The following MYO15A variants were observed in gnomAD, a reference collection of about 807,000 sequenced individuals.
MYO15A encodes the protein myosin XVA.
MYO15A carries 308 observed loss-of-function variants against 394.6 expected under a neutral mutation model. The observed-to-expected ratio is 0.78, with a 90% CI of 0.71 to 0.86. The LOEUF (loss-of-function observed/expected upper bound fraction) is 0.86. MYO15A is among the 40% of genes least tolerant of loss of function. The pLI is 0.00. For missense variants in MYO15A, 4,606 were observed against 4,799.1 expected, an observed-to-expected ratio of 0.96 and a Z score of 1.19; for synonymous variants, 1,957 against 2,003.8, an observed-to-expected ratio of 0.98 and a Z score of 0.62.
At position 18,142,249 on chromosome 17, in the gene MYO15A, T is replaced by C; in HGVS notation, c.5820T>C (p.Leu1940=). The change falls in exon 24 of 66, where the codon CTT becomes CTC. Residue 1940 remains leucine (L), a synonymous_variant. Coordinates refer to ENST00000647165, the MANE Select transcript of MYO15A (RefSeq NM_016239.4). ...ILLQSRARGY[L]ARQRYQQMRR... ...TGCAAAGCCGGGCCCGTGGCTACCT[T>C]GCCAGGTGAGGCACAGAAAAGGCAG... The C allele has an allele frequency of 6.2e-7, 1 of 1,612,256 alleles. No homozygotes were observed. Among genetic ancestry groups the C allele is most frequent in the Middle Eastern group, 1.8e-4 (1 of 5,450 alleles).
rs2046310080 is a variant in MYO15A at position 18,138,025 on chromosome 17, C to T, written c.4876-90C>T. ...GGTATGCAAGCAGAGGTGCTGCTGG[C>T]CAGGCTCCTTCAGATTCAACATGGG... On this transcript the variant is annotated intron_variant, in intron 16 of 65. Transcript: ENST00000647165. 14 of 1,494,768 alleles carry T rather than the reference C, an allele frequency of 9.4e-6. No homozygotes were observed. The South Asian group carries it at 1.7e-4, about 18-fold the overall frequency. 92.6% of individuals were successfully genotyped at this position (1,494,768 alleles called of 1,614,324 possible).
chr17:18,155,013 C>G (rs1481336281), intron 45 of MYO15A, 97 bp from the exon 46 acceptor site: 2 of 1,185,406 alleles, frequency 1.7e-6, no homozygotes, highest in Non-Finnish European at 2.5e-6. Context: ...CAGATACCTT[C>G]TTGCTGGGTA....
Position 18,119,308 on chromosome 17 carries a change from C to T in MYO15A, c.508C>T (p.Arg170Cys), listed in dbSNP as rs1356523156. ...GCGCTCGAGCTCCCGCATGGGCTCC[C>T]GCAAACTCCCCTTCCCGTCGGGTGC... ...LQRSSSRMGS[R>C]KLPFPSGAEI... The change falls in exon 2 of 66, where the codon CGC becomes TGC. Residue 170 changes from arginine (R) to cysteine (C), a missense_variant. Around this residue, in one of 2 missense-constraint regions of MYO15A, gnomAD observed 1,830 missense variants for 1,689.7 expected, o/e 1.08. Transcript: ENST00000647165. The T allele has an allele frequency of 6.2e-7, 1 of 1,610,886 alleles. No homozygotes were observed. The highest frequency in any genetic ancestry group is 1.3e-5 in the African/African-American group (1 of 74,914).
intron 65 of MYO15A, chr17:18,178,377 A>C: frequency 3.1e-6 from 1 of 324,240 alleles, no homozygotes; most frequent in Non-Finnish European, 6.1e-6. Context: ...TAGGAAAAAA[A>C]AAAAAAGAAT....
Position 18,118,714 on chromosome 17 carries a change from G to C in MYO15A, c.-87G>C. 1 of 1,592,170 alleles carries C rather than the reference G, an allele frequency of 6.3e-7. No individual in the cohort carries two copies. Among genetic ancestry groups the C allele is most frequent in the Non-Finnish European group, 8.5e-7 (1 of 1,170,114 alleles). Reference sequence around the variant, plus strand: ...CCGAGGAGGCCGCGTGTCCAGCCGCGGGCAAGAGACAGAGCAGGTCCCTGT... The same window carrying C: ...CCGAGGAGGCCGCGTGTCCAGCCGCCGGCAAGAGACAGAGCAGGTCCCTGT... On this transcript the variant is annotated 5_prime_UTR_variant, in exon 2 of 66. Transcript: ENST00000647165.
At position 18,148,187 on chromosome 17, in the gene MYO15A, C is replaced by T. The variant is rs532392396; in HGVS notation, c.6668C>T (p.Ala2223Val). The change falls in exon 31 of 66, where the codon GCG becomes GTG. Residue 2223 changes from alanine (A) to valine (V), a missense_variant. Ala to Val is a moderately conservative substitution (Grantham distance 64, BLOSUM62 0). Transcript: ENST00000647165. This position sits in a 1 kb window ranked among gnomAD's most constrained non-coding sequence, Gnocchi z 4.8. ...GCGACCTATGAGAAGGCCAGCATGGCGCTGGACGTGGGCTGCTTCAATGGT... is the reference window on the plus strand; with the variant it reads ...GCGACCTATGAGAAGGCCAGCATGGTGCTGGACGTGGGCTGCTTCAATGGT... ...WTATYEKASM[A>V]LDVGCFNGDQ... 76 of 1,613,618 alleles carry T rather than the reference C, an allele frequency of 4.7e-5. No individual in the cohort carries two copies. Among genetic ancestry groups the T allele is most frequent in the African/African-American group, 1.2e-4 (9 of 74,930 alleles).
At chr17:18,172,417 G>A (rs532769401) in intron 64 of MYO15A, 127 bp downstream of exon 64, 1 of 1,383,880 alleles carries the variant, frequency 7.2e-7, no homozygotes, top group African/African-American at 1.4e-5. Flanking sequence ...ATGATCTCAG[G>A]CAAGTCTCTT....
intron 51 of MYO15A, among the ~76,000 whole-genome samples, 162 bp downstream of exon 51, chr17:18,158,062 C>A (rs902911386): frequency 4.6e-5 from 7 of 152,038 alleles, no homozygotes; most frequent in Non-Finnish European, 7.4e-5. Context: ...TAGAGTGAGC[C>A]GCAGGTGAGA....
At chr17:18,157,978 G>T in intron 51 of MYO15A, 78 bp downstream of exon 51, 1 of 1,434,692 alleles carries the variant, frequency 7.0e-7, no homozygotes, top group South Asian at 1.5e-5. Context: ...GGCGAGTGGG[G>T]ATAAGGTGGG....
At chr17:18,160,066 C>T in intron 56 of MYO15A, 49 bp downstream of exon 56, 2 of 1,561,186 alleles carry the variant, frequency 1.3e-6, no homozygotes, top group Non-Finnish European at 1.7e-6. Flanking sequence ...TGTCCATGCT[C>T]CAGGAGGGAC....
chr17:18,155,355 C>A lies in MYO15A; in HGVS notation c.8382C>A (p.His2794Gln), dbSNP rs377228040. The A allele has an allele frequency of 3.7e-6, 6 of 1,613,660 alleles. No homozygotes were observed. Among genetic ancestry groups the A allele is most frequent in the Non-Finnish European group, 5.1e-6 (6 of 1,180,030 alleles). ...GTGTGCAGCTCCTAGCTGTGTCCCA[C>A]GTGGGCATCAAACTCCTGAGGATGG... The part of the protein sequence containing the change: ...GTGVQLLAVS[H>Q]VGIKLLRMVK... The change falls in exon 47 of 66, where the codon CAC becomes CAA. Residue 2794 changes from histidine (H) to glutamine (Q), a missense_variant. His to Gln is a conservative substitution (Grantham distance 24). Coordinates refer to ENST00000647165, the MANE Select transcript of MYO15A (RefSeq NM_016239.4).
chr17:18,138,869 A>G lies in MYO15A; in HGVS notation c.5066A>G (p.Tyr1689Cys), dbSNP rs772450800. ...TACCATCATGGCGCCAACCCGCTCTATTCCAAACCCAAGATGCCGCTGCCT... is the reference window on the plus strand; with the variant it reads ...TACCATCATGGCGCCAACCCGCTCTGTTCCAAACCCAAGATGCCGCTGCCT... Reference protein sequence around the residue: ...CHYHHGANPLYSKPKMPLPEF... With the variant: ...CHYHHGANPLCSKPKMPLPEF... The change falls in exon 18 of 66, where the codon TAT becomes TGT. Residue 1689 changes from tyrosine to cysteine, a missense_variant. Coordinates refer to ENST00000647165, the MANE Select transcript of MYO15A (RefSeq NM_016239.4). 1.9e-6 allele frequency: 3 copies of G among 1,613,664 alleles called. No individual in the cohort carries two copies. The Admixed American group carries it at 5.0e-5, about 27-fold the overall frequency.
rs868037161 is a variant in MYO15A at position 18,121,818 on chromosome 17, C to A, written c.3018C>A (p.Gly1006=). 15 of 1,612,866 alleles carry A rather than the reference C, an allele frequency of 9.3e-6. No homozygotes were observed. In the Middle Eastern group the frequency reaches 8.3e-4, roughly 89 times the overall value. Residue 1006 remains glycine (G), a synonymous_variant, in exon 2 of 66, where the codon GGC becomes GGA. Transcript: ENST00000647165. The surrounding 1 kb of genome is among the most constrained non-coding windows in gnomAD (Gnocchi z 5.3). ...PGPGQLTKSA[G]PTPEKPEEEA... is the part of the protein sequence containing the mutation. ...CTGGACAGCTCACCAAATCAGCTGGCCCAACCCCTGAGAAGCCTGAAGAAG... is the reference window on the plus strand; with the variant it reads ...CTGGACAGCTCACCAAATCAGCTGGACCAACCCCTGAGAAGCCTGAAGAAG...
At chr17:18,159,759 C>T (rs1360500984) in intron 55 of MYO15A, 80 bp downstream of exon 55, 3 of 1,543,358 alleles carry the variant, frequency 1.9e-6, no homozygotes, top group South Asian at 1.1e-5. Flanking sequence ...AGTCACAGGA[C>T]ATTAGGGTGG....
intron 59 of MYO15A, 31 bp from the exon 60 acceptor site, chr17:18,163,711 C>T (rs1424661918): frequency 1.3e-6 from 2 of 1,586,102 alleles, no homozygotes; most frequent in Non-Finnish European, 1.7e-6. Flanking sequence ...GCCCAACTGG[C>T]ATGGCCTCAT....
At position 18,148,515 on chromosome 17, in the gene MYO15A, G is replaced by T; in HGVS notation, c.6711G>T (p.Pro2237=). 6.4e-7 allele frequency: 1 copy of T among 1,552,680 alleles called. No individual in the cohort carries two copies. Residue 2237 remains proline, a synonymous_variant, in exon 32 of 66, where the codon CCG becomes CCT. Transcript: ENST00000647165. This position sits in a 1 kb window ranked among gnomAD's most constrained non-coding sequence, Gnocchi z 4.8. ...GCFNGDQFSC[P]VHSWSTGEEV... ...CCCCAGGTGACCAGTTCTCCTGCCC[G>T]GTGCACTCCTGGAGTACGGGGGAAG...
Position 18,167,614 on chromosome 17 carries a change from C to G in MYO15A, c.9973C>G (p.Leu3325Val). 1 of 1,603,436 alleles carries G rather than the reference C, an allele frequency of 6.2e-7. No homozygotes were observed. The highest frequency in any genetic ancestry group is 1.1e-5 in the South Asian group (1 of 91,082). Residue 3325 changes from leucine (L) to valine (V), a missense_variant, in exon 62 of 66, where the codon CTC becomes GTC. Leu to Val is a conservative substitution (Grantham distance 32). This residue lies in a region of MYO15A where 2,776 missense variants were observed against 3,109.3 expected (regional missense o/e 0.89). Coordinates refer to ENST00000647165, the MANE Select transcript of MYO15A (RefSeq NM_016239.4). ...NQVLPDYLKG[L>V]FSSVPASRPS... is the part of the protein sequence containing the mutation. ...GGTCCTGCCTGACTACCTGAAGGGACTCTTCAGCAGTGTGCCGGCCAGCCG... is the reference window on the plus strand; with the variant it reads ...GGTCCTGCCTGACTACCTGAAGGGAGTCTTCAGCAGTGTGCCGGCCAGCCG...
rs374843771 is a variant in MYO15A at position 18,149,589 on chromosome 17, G to A, written c.7212+9G>A. The A allele has an allele frequency of 3.4e-5, 55 of 1,613,182 alleles. No individual in the cohort carries two copies. The highest frequency in any genetic ancestry group is 4.7e-5 in the Non-Finnish European group (55 of 1,179,336). The stretch of plus-strand genomic sequence containing the variant: ...TGTCCTACGGGGATGCGGTAGGGAT[G>A]GTGTGGGGTGGGTCATTTGCAGACA... On this transcript the variant is annotated intron_variant, in intron 35 of 65. Coordinates refer to ENST00000647165, the MANE Select transcript of MYO15A (RefSeq NM_016239.4).
At chr17:18,144,720 A>G in intron 29 of MYO15A, 128 bp downstream of exon 29, 1 of 836,956 alleles carries the variant, frequency 1.2e-6, no homozygotes. Flanking sequence ...TCCCCAAAGG[A>G]CAGACTTTTA....
Sources: allele counts gnomAD v4.1 joint callset (sites outside exome capture counted in the v4.1 genomes callset), GRCh38; gene constraint gnomAD v4.1.1; regional missense constraint gnomAD v4.1.1; non-coding constraint Gnocchi (gnomAD v3.1); transcripts MANE v1.5; gene names NCBI Gene and HGNC (gene_info 2026-07-23, HGNC 2026-07-21).